The following NDUFA9 variants were observed in gnomAD, a reference collection of about 807,000 sequenced individuals.
NDUFA9 encodes NADH dehydrogenase [ubiquinone] 1 alpha subcomplex subunit 9, mitochondrial.
In NDUFA9, 23 loss-of-function variants were observed where a neutral mutation model predicts 45.9. That is an observed-to-expected ratio of 0.50 (90% CI 0.36 to 0.71). The LOEUF (loss-of-function observed/expected upper bound fraction) is 0.71, where lower values mean the gene tolerates loss of function less well. Ranked by LOEUF, NDUFA9 falls within the 30% of genes least tolerant of loss-of-function variation. NDUFA9 has a pLI of 0.00. For missense variants in NDUFA9, 466 were observed against 488.2 expected (o/e 0.95, Z 0.43); for synonymous variants, 176 against 170.5 (o/e 1.03, Z -0.25).
rs1298165808 is a variant in NDUFA9 at position 4,662,545 on chromosome 12, A to G, written c.565A>G (p.Lys189Glu). Residue 189 changes from lysine to glutamate, a missense_variant, in exon 6 of 11, where the codon AAA becomes GAA. Coordinates refer to ENST00000266544, the MANE Select transcript of NDUFA9 (RefSeq NM_005002.5). ...GGTTATTGTTTAGGCTGTTGGAGAGAAAGTAGTGAGAGATGCATTTCCGGA... is the reference window on the plus strand; with the variant it reads ...GGTTATTGTTTAGGCTGTTGGAGAGGAAGTAGTGAGAGATGCATTTCCGGA... ...RYLRNKAVGEKVVRDAFPEAI... is the reference protein window; with the variant it reads ...RYLRNKAVGEEVVRDAFPEAI... 1.2e-6 allele frequency: 2 copies of G among 1,613,670 alleles called. No individual in the cohort carries two copies. The highest frequency in any genetic ancestry group is 8.5e-7 in the Non-Finnish European group (1 of 1,179,738).
intron 1 of NDUFA9, among the ~76,000 whole-genome samples, chr12:4,649,955 T>G (rs1332299154): frequency 6.6e-6 from 1 of 152,260 alleles, no homozygotes; most frequent in East Asian, 1.9e-4. Context: ...TTACACTTCA[T>G]CATTGTCCTT....
chr12:4,666,499 T>C (rs1162491232), intron 6 of NDUFA9, among the ~76,000 whole-genome samples: 1 of 152,208 alleles, frequency 6.6e-6, no homozygotes, highest in East Asian at 1.9e-4. Context: ...TGTTTTTGTC[T>C]AAGAGTTTTA....
rs546800335 is a variant in NDUFA9 at position 4,666,490 on chromosome 12, G to T, written c.656-1967G>T. ...CAATGCCATGAAGCTTTCTCCTTTT[G>T]TTTTTGTCTAAGAGTTTTAGAGTTT... On this transcript the variant is annotated intron_variant, in intron 6 of 10. Transcript: ENST00000266544. 7.9e-5 allele frequency among the ~76,000 whole-genome samples: 12 copies of T among 152,142 alleles called. No individual in the cohort carries two copies. In the South Asian group the frequency reaches 2.3e-3, roughly 29 times the overall value.
At chr12:4,675,645 T>A (rs141646473) in intron 8 of NDUFA9, among the ~76,000 whole-genome samples, 53 of 152,160 alleles carry the variant, frequency 3.5e-4, no homozygotes, top group African/African-American at 1.1e-3. Context: ...CTATAACAAG[T>A]TCTGAAATTG....
intron 6 of NDUFA9, among the ~76,000 whole-genome samples, chr12:4,667,854 A>C (rs1185520225): frequency 6.6e-6 from 1 of 152,076 alleles, no homozygotes; most frequent in South Asian, 2.1e-4. Context: ...AAAAACAAAC[A>C]AACAAAACAA....
rs1054030041 is a variant in NDUFA9 at position 4,660,633 on chromosome 12, A to G, written c.552+1456A>G. Among the ~76,000 whole-genome samples, 5 of 152,284 alleles carry G rather than the reference A, an allele frequency of 3.3e-5. No individual in the cohort carries two copies. In the East Asian group the frequency reaches 9.7e-4, roughly 29 times the overall value. On this transcript the variant is annotated intron_variant, in intron 5 of 10. Coordinates refer to ENST00000266544, the MANE Select transcript of NDUFA9 (RefSeq NM_005002.5). ...GAGGCACCTGCAGAAACCCAAACCA[A>G]TCAAACAGAAAGACTAAGCAGGACA...
Position 4,680,328 on chromosome 12 carries a change from A to G in NDUFA9, c.801-1877A>G, listed in dbSNP as rs1015394261. 2.6e-5 allele frequency among the ~76,000 whole-genome samples: 4 copies of G among 152,180 alleles called. 1 individual carries two copies. The South Asian group carries it at 6.2e-4, about 24-fold the overall frequency. On this transcript the variant is annotated intron_variant, in intron 8 of 10. Coordinates refer to ENST00000266544, the MANE Select transcript of NDUFA9 (RefSeq NM_005002.5). ...GGGGTTTCAGGCTCAGAGAAGGCAC[A>G]TGTTTGGGTCAACCAGAGTGAGTTT...
At chr12:4,666,418 T>G (rs1302847472) in intron 6 of NDUFA9, among the ~76,000 whole-genome samples, 1 of 152,234 alleles carries the variant, frequency 6.6e-6, no homozygotes, top group African/African-American at 2.4e-5. Context: ...TTTTTACTTT[T>G]GTTGCCTGTG....
chr12:4,672,517 G>A (rs1945893551), intron 8 of NDUFA9, among the ~76,000 whole-genome samples: 1 of 152,212 alleles, frequency 6.6e-6, no homozygotes, highest in South Asian at 2.1e-4. Flanking sequence ...AGCAGTCTGA[G>A]TTCAACCTGG....
At position 4,689,477 on chromosome 12, in the gene NDUFA9, T is replaced by C. The variant is rs1324210861; in HGVS notation, c.*2369T>C. The C allele has an allele frequency of 2.6e-5, 4 of 154,802 alleles. No individual in the cohort carries two copies. Among genetic ancestry groups the C allele is most frequent in the African/African-American group, 9.7e-5 (4 of 41,422 alleles). 9.6% of individuals were successfully genotyped at this position (154,802 alleles called of 1,614,324 possible). A position where few individuals can be genotyped will look rare whatever the true frequency, so the allele number is the denominator to read the frequency against. On this transcript the variant is annotated 3_prime_UTR_variant, in exon 11 of 11. Transcript: ENST00000266544. ...CCGCAGTGTTTGTGTCCCTGGGTAC[T>C]TGAGATTAGGGAGTGGTGATGACTC... is the stretch of plus-strand genomic sequence containing the variant.
At chr12:4,664,932 G>T (rs1379498725) in intron 6 of NDUFA9, among the ~76,000 whole-genome samples, 1 of 152,112 alleles carries the variant, frequency 6.6e-6, no homozygotes, top group Non-Finnish European at 1.5e-5. Context: ...TTTAGAATAG[G>T]AATGTCTATC....
intron 10 of NDUFA9, among the ~76,000 whole-genome samples, chr12:4,686,456 ATGT>A (rs1303213644): frequency 1.3e-5 from 2 of 151,680 alleles, no homozygotes; most frequent in East Asian, 3.9e-4. Flanking sequence ...CAAGGAACAA[ATGT>A]TGTGTTATCT....
chr12:4,665,746 G>GGT (rs1945849288), intron 6 of NDUFA9, among the ~76,000 whole-genome samples: 1 of 143,910 alleles, frequency 6.9e-6, no homozygotes, highest in Non-Finnish European at 1.5e-5. Context: ...GTTATTTTCT[G>GGT]TTTTTTTTTT....
At chr12:4,655,046 C>G (rs1002381431) in intron 3 of NDUFA9, 124 bp downstream of exon 3, 1 of 695,950 alleles carries the variant, frequency 1.4e-6, no homozygotes, top group African/African-American at 1.8e-5. Context: ...ATCCTCTGTT[C>G]CCAGGTCATT....
intron 10 of NDUFA9, among the ~76,000 whole-genome samples, chr12:4,686,221 CTTTCAGGT>C (rs1439620889): frequency 6.6e-6 from 1 of 152,200 alleles, no homozygotes; most frequent in Non-Finnish European, 1.5e-5. Flanking sequence ...GAATTGCAGA[CTTTCAGGT>C]GGGTAGGATG....
chr12:4,683,095 A>G (rs1341397265), intron 9 of NDUFA9, among the ~76,000 whole-genome samples: 1 of 151,772 alleles, frequency 6.6e-6, no homozygotes, highest in Non-Finnish European at 1.5e-5. Flanking sequence ...AGTCCCAGCT[A>G]CTTGGGAGGC....
intron 9 of NDUFA9, 111 bp from the exon 10 acceptor site, chr12:4,685,148 T>A: frequency 2.2e-6 from 2 of 925,058 alleles, no homozygotes; most frequent in Non-Finnish European, 3.5e-6. Flanking sequence ...AAAAAAAAAA[T>A]CAGTTCAGAC....
intron 5 of NDUFA9, among the ~76,000 whole-genome samples, chr12:4,661,816 A>G (rs930806637): frequency 6.6e-6 from 1 of 151,824 alleles, no homozygotes; most frequent in African/African-American, 2.4e-5. Context: ...GGATGTCTTC[A>G]TTTAATACCT....
intron 1 of NDUFA9, among the ~76,000 whole-genome samples, chr12:4,653,903 T>TC (rs886463336): frequency 3.3e-5 from 5 of 151,736 alleles, no homozygotes; most frequent in Admixed American, 1.3e-4. Context: ...CTTTTTTTTT[T>TC]CCTCTTTTAA....
Sources: gnomAD v4.1 joint callset for allele counts (sites outside exome capture counted in the v4.1 genomes callset) on GRCh38, gnomAD v4.1.1 for gene constraint, MANE v1.5 for transcripts, NCBI Gene and HGNC (gene_info 2026-07-23, HGNC 2026-07-21) for gene names.